The following ARHGAP31 variants were observed in gnomAD, a reference collection of about 807,000 sequenced individuals.
ARHGAP31 encodes rho GTPase-activating protein 31.
Under a neutral mutation model 113.9 loss-of-function variants are expected in ARHGAP31, and 34 were observed. The observed-to-expected ratio is 0.30, with a 90% CI of 0.23 to 0.40. The LOEUF is 0.40. Ranked by LOEUF, ARHGAP31 falls within the 10% of genes least tolerant of loss-of-function variation. The pLI is 1.00. For synonymous variants in ARHGAP31, 650 were observed against 684.8 expected, an observed-to-expected ratio of 0.95 and a Z score of 0.79; for missense variants, 1,548 against 1,767.1, an observed-to-expected ratio of 0.88 and a Z score of 2.22.
At position 119,414,181 on chromosome 3, in the gene ARHGAP31, G is replaced by T. The variant is rs2080745579; in HGVS notation, c.2252G>T (p.Ser751Ile). 7 of 1,614,158 alleles carry T rather than the reference G, an allele frequency of 4.3e-6. No homozygotes were observed. The highest frequency in any genetic ancestry group is 5.9e-6 in the Non-Finnish European group (7 of 1,180,016). The change falls in exon 12 of 12, where the codon AGC becomes ATC. Residue 751 changes from serine (S) to isoleucine (I), a missense_variant. Coordinates refer to ENST00000264245, the MANE Select transcript of ARHGAP31 (RefSeq NM_020754.4). ...PEQGLHPDLA[S>I]LAPLEIVPFE... ...CAGGGCCTGCACCCAGACCTCGCCA[G>T]CCTGGCTCCTCTGGAAATAGTTCCT...
chr3:119,403,503 A>G (rs894308023), intron 10 of ARHGAP31, among the ~76,000 whole-genome samples: 4 of 152,230 alleles, frequency 2.6e-5, no homozygotes, highest in Non-Finnish European at 5.9e-5. Flanking sequence ...TCAAAAACTA[A>G]GAAGGGAAAT....
At chr3:119,345,198 G>T (rs369977887) in intron 1 of ARHGAP31, among the ~76,000 whole-genome samples, 6 of 152,078 alleles carry the variant, frequency 3.9e-5, no homozygotes, top group Admixed American at 3.3e-4. Context: ...ATGTTAGCCA[G>T]GATGGTCTCG....
At chr3:119,365,253 T>C in intron 1 of ARHGAP31, 63 bp from the exon 2 acceptor site, 1 of 1,369,890 alleles carries the variant, frequency 7.3e-7, no homozygotes, top group South Asian at 1.2e-5. Context: ...TAAAAGGATA[T>C]CTTTAAAAGA....
At chr3:119,327,360 A>G (rs889161414) in intron 1 of ARHGAP31, among the ~76,000 whole-genome samples, 3 of 151,888 alleles carry the variant, frequency 2.0e-5, no homozygotes, top group South Asian at 2.1e-4. Flanking sequence ...CCTGGCCGAC[A>G]TGGTGAAACC....
intron 2 of ARHGAP31, 71 bp from the exon 3 acceptor site, chr3:119,368,301 G>A: frequency 6.3e-7 from 1 of 1,596,778 alleles, no homozygotes; most frequent in Non-Finnish European, 8.6e-7. Flanking sequence ...TTACCCCTAA[G>A]CAGCCAAGCA....
At chr3:119,393,667 C>G in intron 8 of ARHGAP31, 76 bp downstream of exon 8, 2 of 1,530,278 alleles carry the variant, frequency 1.3e-6, no homozygotes, top group South Asian at 2.3e-5. Flanking sequence ...TTGGTTTGAT[C>G]ATATCAAACA....
intron 1 of ARHGAP31, among the ~76,000 whole-genome samples, chr3:119,329,286 A>G (rs752692658): frequency 6.6e-6 from 1 of 152,202 alleles, no homozygotes; most frequent in Admixed American, 6.5e-5. Flanking sequence ...CCACATATCA[A>G]TATAGCCTGC....
intron 1 of ARHGAP31, among the ~76,000 whole-genome samples, chr3:119,313,579 C>A (rs115344098): frequency 6.6e-6 from 1 of 152,170 alleles, no homozygotes; most frequent in Non-Finnish European, 1.5e-5. Context: ...TTCCAGTATT[C>A]GTGAGGGATT....
intron 1 of ARHGAP31, among the ~76,000 whole-genome samples, chr3:119,335,136 C>A (rs1014106543): frequency 3.9e-5 from 6 of 152,116 alleles, no homozygotes; most frequent in African/African-American, 1.4e-4. Flanking sequence ...CAACAAAAGT[C>A]TATGCAGACT....
intron 1 of ARHGAP31, among the ~76,000 whole-genome samples, chr3:119,361,325 T>C (rs868276681): frequency 5.9e-5 from 9 of 152,026 alleles, no homozygotes; most frequent in Middle Eastern, 3.5e-3. Flanking sequence ...TTTATGCACA[T>C]TAAGGTATGT....
chr3:119,363,845 G>A (rs1472581363), intron 1 of ARHGAP31, among the ~76,000 whole-genome samples: 2 of 152,108 alleles, frequency 1.3e-5, no homozygotes, highest in South Asian at 2.1e-4. Flanking sequence ...GTTAATTCAC[G>A]GAGGTCCCAC....
intron 1 of ARHGAP31, chr3:119,322,575 A>C (rs1576993247): frequency 6.6e-6 from 1 of 152,532 alleles, no homozygotes; most frequent in Non-Finnish European, 1.5e-5. Flanking sequence ...CCTTGCTCCC[A>C]CTCCCACCGC....
chr3:119,368,489 G>A lies in ARHGAP31; in HGVS notation c.321G>A (p.Leu107=). The part of the protein sequence containing the change: ...LYFRELPNPL[L]TYELYEKFTE... The stretch of plus-strand genomic sequence containing the variant: ...TTAGGGAGCTGCCCAACCCCCTCCT[G>A]ACTTATGAGCTCTATGAGAAATTCA... The change falls in exon 3 of 12, where the codon CTG becomes CTA. Residue 107 remains leucine, a synonymous_variant. Coordinates refer to ENST00000264245, the MANE Select transcript of ARHGAP31 (RefSeq NM_020754.4). The A allele has an allele frequency of 6.2e-7, 1 of 1,614,086 alleles. No individual in the cohort carries two copies. Among genetic ancestry groups the A allele is most frequent in the Non-Finnish European group, 8.5e-7 (1 of 1,180,010 alleles).
chr3:119,342,626 CA>C (rs1446250691), intron 1 of ARHGAP31, among the ~76,000 whole-genome samples: 1 of 152,196 alleles, frequency 6.6e-6, no homozygotes, highest in African/African-American at 2.4e-5. Flanking sequence ...CTGTGGAACT[CA>C]GGGCCTAGAA....
rs1209543440 is a variant in ARHGAP31, at chr3:119,409,493, C to A, written c.1646-3C>A. The A allele has an allele frequency of 6.2e-7, 1 of 1,614,030 alleles. No individual in the cohort carries two copies. The highest frequency in any genetic ancestry group is 1.3e-5 in the African/African-American group (1 of 74,922). Reference sequence around the variant, plus strand: ...TAACTGATAACTCTCATTTTCACTGCAGCTTCTGTACCTAAGAAGGCAGGT... The same window carrying A: ...TAACTGATAACTCTCATTTTCACTGAAGCTTCTGTACCTAAGAAGGCAGGT... On this transcript the variant is annotated splice_region_variant and splice_polypyrimidine_tract_variant and intron_variant, in intron 10 of 11. Transcript: ENST00000264245.
At chr3:119,377,936 C>A (rs1051677703) in intron 3 of ARHGAP31, among the ~76,000 whole-genome samples, 1 of 152,108 alleles carries the variant, frequency 6.6e-6, no homozygotes, top group African/African-American at 2.4e-5. Flanking sequence ...ACCCTGGTGA[C>A]AGGGCTGCCC....
chr3:119,392,512 C>T (rs143007451), intron 7 of ARHGAP31, among the ~76,000 whole-genome samples: 61 of 152,308 alleles, frequency 4.0e-4, no homozygotes, highest in African/African-American at 5.3e-4. Flanking sequence ...GAGAGCCCTG[C>T]GGAGAATAGG....
At position 119,413,995 on chromosome 3, in the gene ARHGAP31, G is replaced by C. The variant is rs1193372267; in HGVS notation, c.2066G>C (p.Ser689Thr). The change falls in exon 12 of 12, where the codon AGT becomes ACT. Residue 689 changes from serine to threonine, a missense_variant. By Grantham distance (58) the Ser-to-Thr change is moderately conservative (BLOSUM62 1). Coordinates refer to ENST00000264245, the MANE Select transcript of ARHGAP31 (RefSeq NM_020754.4). Reference sequence around the variant, plus strand: ...CCAATTCAGCCTATTCTCGAGTCGAGTCTGGGGCCCTTTATTCCCTCAGAG... The same window carrying C: ...CCAATTCAGCCTATTCTCGAGTCGACTCTGGGGCCCTTTATTCCCTCAGAG... The part of the protein sequence containing the change: ...TSPIQPILES[S>T]LGPFIPSEPP... The C allele has an allele frequency of 6.2e-7, 1 of 1,614,206 alleles. No homozygotes were observed.
chr3:119,388,889 G>A (rs947661356), intron 6 of ARHGAP31, among the ~76,000 whole-genome samples: 3 of 152,180 alleles, frequency 2.0e-5, no homozygotes, highest in African/African-American at 7.2e-5. Context: ...AGGCGCGGTG[G>A]CTCACACCTG....
Sources: allele counts gnomAD v4.1 joint callset (sites outside exome capture counted in the v4.1 genomes callset), GRCh38; gene constraint gnomAD v4.1.1; transcripts MANE v1.5; gene names NCBI Gene and HGNC (gene_info 2026-07-23, HGNC 2026-07-21).